The following ITGAV variants were observed in gnomAD, a reference collection of about 807,000 sequenced individuals.
The protein encoded by ITGAV is integrin alpha-V.
Under a neutral mutation model 143.8 loss-of-function variants are expected in ITGAV, and 76 were observed. The ratio of observed to expected loss-of-function variants is 0.53; its 90% CI spans 0.44 to 0.64. The LOEUF is 0.64. Ranked by LOEUF, ITGAV falls within the 30% of genes least tolerant of loss-of-function variation. The probability of loss-of-function intolerance (pLI) is 0.00; values close to 1 mark genes in which losing one functional copy is unlikely to be tolerated. For synonymous variants in ITGAV, 453 were observed against 446.7 expected, an observed-to-expected ratio of 1.01 and a Z score of -0.18; for missense variants, 1,193 against 1,274.7, an observed-to-expected ratio of 0.94 and a Z score of 0.98.
In ITGAV at chr2:186,590,493, C is replaced by A; in HGVS notation, c.155C>A (p.Ala52Asp). 6.2e-7 allele frequency: 1 copy of A among 1,611,048 alleles called. No individual in the cohort carries two copies. The highest frequency in any genetic ancestry group is 8.5e-7 in the Non-Finnish European group (1 of 1,178,998). Residue 52 changes from alanine (A) to aspartate (D), a missense_variant, in exon 1 of 30, where the codon GCC becomes GAC. Physicochemically the swap from Ala to Asp is moderately radical, Grantham distance 126. Transcript: ENST00000261023. ...SGPEGSYFGF[A>D]VDFFVPSASS... ...CCCGAGGGAAGTTACTTCGGCTTCGCCGTGGATTTCTTCGTGCCCAGCGCG... is the reference window on the plus strand; with the variant it reads ...CCCGAGGGAAGTTACTTCGGCTTCGACGTGGATTTCTTCGTGCCCAGCGCG...
intron 21 of ITGAV, among the ~76,000 whole-genome samples, chr2:186,665,424 A>G (rs1417181400): frequency 2.0e-5 from 3 of 152,232 alleles, no homozygotes; most frequent in African/African-American, 4.8e-5. Context: ...ACGGTTTGCA[A>G]TCAGCTGCTC....
intron 4 of ITGAV, among the ~76,000 whole-genome samples, chr2:186,627,297 G>A (rs1383890080): frequency 2.0e-5 from 3 of 152,114 alleles, no homozygotes; most frequent in African/African-American, 4.8e-5. Flanking sequence ...TGTTCTGAAT[G>A]GTCAAATGAG....
chr2:186,654,795 T>G, intron 16 of ITGAV, 87 bp downstream of exon 16: 2 of 612,174 alleles, frequency 3.3e-6, no homozygotes, highest in Non-Finnish European at 5.8e-6. Flanking sequence ...AAATAGTTAC[T>G]TGAATTGTTA....
rs1291556568 is a variant in ITGAV at position 186,668,770 on chromosome 2, C to T, written c.2442C>T (p.Asn814=). The change falls in exon 25 of 30, where the codon AAC becomes AAT. Residue 814 remains asparagine, a synonymous_variant. Transcript: ENST00000261023. ...PVVQHIYELR[N]NGPSSFSKAM... ...TTCTTTTTTCTCCTTAGCTGAGAAACAATGGTCCAAGTTCATTCAGCAAGG... is the reference window on the plus strand; with the variant it reads ...TTCTTTTTTCTCCTTAGCTGAGAAATAATGGTCCAAGTTCATTCAGCAAGG... 1 of 1,612,218 alleles carries T rather than the reference C, an allele frequency of 6.2e-7. No individual in the cohort carries two copies.
At chr2:186,638,172 G>T (rs1687999015) in intron 8 of ITGAV, 105 bp from the exon 9 acceptor site, 2 of 905,154 alleles carry the variant, frequency 2.2e-6, no homozygotes, top group African/African-American at 3.4e-5. Context: ...TGTTTGTTTT[G>T]AACTGAAGTA....
At chr2:186,604,582 C>T (rs1687004931) in intron 2 of ITGAV, among the ~76,000 whole-genome samples, 1 of 152,182 alleles carries the variant, frequency 6.6e-6, no homozygotes. Context: ...CTTTCCCTCA[C>T]AGAAGTTTAC....
chr2:186,590,986 C>T (rs959044816), intron 1 of ITGAV, among the ~76,000 whole-genome samples: 42 of 152,190 alleles, frequency 2.8e-4, no homozygotes, highest in Admixed American at 2.2e-3. Flanking sequence ...AGCCCTCCCC[C>T]ACTCTTTCCG....
intron 2 of ITGAV, among the ~76,000 whole-genome samples, chr2:186,612,179 TATAAC>T (rs1190559367): frequency 6.6e-6 from 1 of 152,212 alleles, no homozygotes. Context: ...ATCCTCTTCT[TATAAC>T]ATGTTTTCCT....
chr2:186,632,984 GATA>G (rs1176207032), intron 5 of ITGAV, among the ~76,000 whole-genome samples: 3 of 87,122 alleles, frequency 3.4e-5, no homozygotes, highest in Non-Finnish European at 7.4e-5. Context: ...ATATATACTA[GATA>G]GATAGATAGA....
At chr2:186,655,861 T>G (rs1688568423) in intron 16 of ITGAV, among the ~76,000 whole-genome samples, 1 of 152,178 alleles carries the variant, frequency 6.6e-6, no homozygotes, top group Non-Finnish European at 1.5e-5. Context: ...AGCAAATACT[T>G]CTTAATCAAA....
chr2:186,652,056 G>T lies in ITGAV; in HGVS notation c.1472G>T (p.Cys491Phe). The T allele has an allele frequency of 6.2e-7, 1 of 1,612,266 alleles. No individual in the cohort carries two copies. The highest frequency in any genetic ancestry group is 8.5e-7 in the Non-Finnish European group (1 of 1,178,482). Reference sequence around the variant, plus strand: ...ATTTTAAATCAAGACAATAAAACCTGCTCACTGCCTGGAACAGCTCTCAAA... The same window carrying T: ...ATTTTAAATCAAGACAATAAAACCTTCTCACTGCCTGGAACAGCTCTCAAA... Reference protein sequence around the residue: ...PSILNQDNKTCSLPGTALKVS... With the variant: ...PSILNQDNKTFSLPGTALKVS... Residue 491 changes from cysteine to phenylalanine, a missense_variant, in exon 15 of 30, where the codon TGC becomes TTC. Physicochemically the swap from Cys to Phe is radical, Grantham distance 205. Transcript: ENST00000261023.
At chr2:186,652,977 C>T (rs529019264) in intron 15 of ITGAV, among the ~76,000 whole-genome samples, 53 of 122,532 alleles carry the variant, frequency 4.3e-4, no homozygotes, top group Non-Finnish European at 6.9e-4. Context: ...CTCGCTCTGT[C>T]GCCCAGGCCG....
intron 20 of ITGAV, 28 bp from the exon 21 acceptor site, chr2:186,665,095 CATT>C: frequency 2.9e-6 from 3 of 1,020,644 alleles, no homozygotes; most frequent in South Asian, 1.4e-5. Flanking sequence ...CTTTCATATC[CATT>C]TTTTTTTTTT....
At chr2:186,655,653 A>G (rs1574493976) in intron 16 of ITGAV, among the ~76,000 whole-genome samples, 1 of 152,234 alleles carries the variant, frequency 6.6e-6, no homozygotes, top group East Asian at 1.9e-4. Context: ...AAAGAACTGA[A>G]TCTTACAAGG....
At chr2:186,597,094 T>C (rs936761968) in intron 1 of ITGAV, among the ~76,000 whole-genome samples, 2 of 152,240 alleles carry the variant, frequency 1.3e-5, no homozygotes, top group African/African-American at 4.8e-5. Flanking sequence ...TTCATGCCTA[T>C]AATGTGCAGA....
At chr2:186,640,500 A>G (rs1193819725) in intron 10 of ITGAV, among the ~76,000 whole-genome samples, 1 of 152,190 alleles carries the variant, frequency 6.6e-6, no homozygotes, top group Admixed American at 6.5e-5. Flanking sequence ...AGGCATCCAT[A>G]TAAAACTTGT....
chr2:186,621,110 T>G (rs996704519), intron 2 of ITGAV, among the ~76,000 whole-genome samples: 2 of 152,172 alleles, frequency 1.3e-5, no homozygotes, highest in Non-Finnish European at 2.9e-5. Flanking sequence ...CATCTATAAT[T>G]AGAGTAAATA....
intron 21 of ITGAV, among the ~76,000 whole-genome samples, chr2:186,666,151 C>G (rs1688890463): frequency 6.6e-6 from 1 of 152,114 alleles, no homozygotes; most frequent in Admixed American, 6.6e-5. Context: ...CCCCAAGAAG[C>G]CTTCTTTTTT....
intron 10 of ITGAV, among the ~76,000 whole-genome samples, 189 bp downstream of exon 10, chr2:186,638,654 G>A (rs1688017700): frequency 6.6e-6 from 1 of 151,362 alleles, no homozygotes; most frequent in Admixed American, 6.6e-5. Flanking sequence ...GTGTGTGTGT[G>A]TGTGTGTGTG....
Sources: gnomAD v4.1 joint callset for allele counts (sites outside exome capture counted in the v4.1 genomes callset) on GRCh38, gnomAD v4.1.1 for gene constraint, MANE v1.5 for transcripts, NCBI Gene and HGNC (gene_info 2026-07-23, HGNC 2026-07-21) for gene names.